The following SNX18 variants were observed in gnomAD, a reference collection of about 807,000 sequenced individuals.
SNX18 encodes the protein sorting nexin 18, also known as sorting nexin-18.
Under a neutral mutation model 48.7 loss-of-function variants are expected in SNX18, and 35 were observed. That is an observed-to-expected ratio of 0.72 (90% CI 0.55 to 0.95). SNX18 has a LOEUF of 0.95. SNX18 is among the 40% of genes least tolerant of loss of function. The probability of loss-of-function intolerance (pLI) is 0.00; values close to 1 mark genes in which losing one functional copy is unlikely to be tolerated. For missense variants in SNX18, 824 were observed against 871.0 expected (o/e 0.95, Z 0.68); for synonymous variants, 492 against 384.7 (o/e 1.28, Z -3.26).
At chr5:54,572,647 A>G in the SNX18 span, among the ~76,000 whole-genome samples, 1 of 150,894 alleles carries the variant, frequency 6.6e-6, no homozygotes, top group Non-Finnish European at 1.5e-5. Context: ...GTTCTATTTC[A>G]TAATATGTTG....
chr5:54,585,540 C>T, the SNX18 span, among the ~76,000 whole-genome samples: 254 of 152,196 alleles, frequency 1.7e-3, 1 homozygote, highest in Middle Eastern at 0.014. Flanking sequence ...GGACATGGGA[C>T]TTCCCCTGAG....
the SNX18 span, among the ~76,000 whole-genome samples, chr5:54,635,662 G>A: frequency 6.6e-6 from 1 of 152,122 alleles, no homozygotes; most frequent in Non-Finnish European, 1.5e-5. Context: ...TGGATGCTGT[G>A]GTCTCAGCAG....
the SNX18 span, among the ~76,000 whole-genome samples, chr5:54,587,985 C>T: frequency 6.6e-6 from 1 of 152,134 alleles, no homozygotes; most frequent in Non-Finnish European, 1.5e-5. Flanking sequence ...GGAAGGTGTA[C>T]ACCCCTTTTG....
chr5:54,530,846 G>A (rs185031412), intron 1 of SNX18, among the ~76,000 whole-genome samples: 4 of 140,982 alleles, frequency 2.8e-5, no homozygotes, highest in African/African-American at 1.1e-4. Context: ...CCACCTCCTG[G>A]GTTCAAGCGA....
chr5:54,629,104 A>G, the SNX18 span, among the ~76,000 whole-genome samples: 1 of 152,180 alleles, frequency 6.6e-6, no homozygotes, highest in Admixed American at 6.5e-5. Flanking sequence ...ATGCTGTTTC[A>G]TTCTTTATTG....
At chr5:54,519,928 CTGTT>C (rs1429557454) in intron 1 of SNX18, 4 of 1,071,534 alleles carry the variant, frequency 3.7e-6, no homozygotes, top group Non-Finnish European at 5.4e-6. Context: ...TGTTAGGTAT[CTGTT>C]TGAACACTGC....
At chr5:54,640,908 A>T in the SNX18 span, among the ~76,000 whole-genome samples, 1 of 152,154 alleles carries the variant, frequency 6.6e-6, no homozygotes, top group Non-Finnish European at 1.5e-5. Flanking sequence ...AAAAATACAA[A>T]AATTAGCTGA....
At chr5:54,526,226 G>T (rs968891524) in intron 1 of SNX18, among the ~76,000 whole-genome samples, 1 of 151,982 alleles carries the variant, frequency 6.6e-6, no homozygotes, top group Non-Finnish European at 1.5e-5. Context: ...TGCCTCAGCC[G>T]CCCGAGTAAC....
the SNX18 span, among the ~76,000 whole-genome samples, chr5:54,629,097 C>A: frequency 6.6e-6 from 1 of 152,228 alleles, no homozygotes; most frequent in Non-Finnish European, 1.5e-5. Context: ...TGCCAGAATG[C>A]TGTTTCATTC....
chr5:54,581,473 A>G, the SNX18 span, among the ~76,000 whole-genome samples: 1 of 151,990 alleles, frequency 6.6e-6, no homozygotes, highest in Non-Finnish European at 1.5e-5. Context: ...AAGGAAAATG[A>G]CCACATCTAG....
At position 54,519,096 on chromosome 5, in the gene SNX18, C is replaced by T. The variant is rs1041557054; in HGVS notation, c.1144C>T (p.Pro382Ser). 2.5e-6 allele frequency: 4 copies of T among 1,614,086 alleles called. No homozygotes were observed. The highest frequency in any genetic ancestry group is 2.2e-5 in the East Asian group (1 of 44,862). ...CDVFQHFLTC[P>S]SSTDEKAWKQ... is the part of the protein sequence containing the mutation. ...CGTCTTCCAGCACTTCCTGACGTGC[C>T]CCAGCAGCACCGACGAGAAAGCCTG... Residue 382 changes from proline to serine, a missense_variant, in exon 1 of 2, where the codon CCC (proline) becomes TCC (serine). By Grantham distance (74) the Pro-to-Ser change is moderately conservative. Coordinates refer to ENST00000381410, the MANE Select transcript of SNX18 (RefSeq NM_001102575.2).
chr5:54,632,550 C>T, the SNX18 span, among the ~76,000 whole-genome samples: 2 of 152,130 alleles, frequency 1.3e-5, no homozygotes, highest in Admixed American at 6.5e-5. Flanking sequence ...GGACATTGCA[C>T]GGCTCCTTTT....
chr5:54,596,090 C>T, the SNX18 span, among the ~76,000 whole-genome samples: 1 of 152,174 alleles, frequency 6.6e-6, no homozygotes, highest in African/African-American at 2.4e-5. Context: ...CTCTGATCTC[C>T]AGAGTCCCTT....
the SNX18 span, among the ~76,000 whole-genome samples, chr5:54,594,521 C>G: frequency 4.6e-5 from 7 of 152,104 alleles, no homozygotes; most frequent in African/African-American, 1.7e-4. Context: ...TTTGCTGTGT[C>G]TAGACTGTTT....
chr5:54,554,383 G>T, the SNX18 span, among the ~76,000 whole-genome samples: 2 of 152,168 alleles, frequency 1.3e-5, no homozygotes, highest in Non-Finnish European at 2.9e-5. Context: ...CTCCCCAGAT[G>T]ATTCTGATGT....
the SNX18 span, among the ~76,000 whole-genome samples, chr5:54,616,223 G>A: frequency 6.6e-6 from 1 of 152,272 alleles, no homozygotes; most frequent in Non-Finnish European, 1.5e-5. Context: ...AACATTTGTG[G>A]AGAAGAATAG....
At chr5:54,564,658 G>T in the SNX18 span, among the ~76,000 whole-genome samples, 2 of 152,026 alleles carry the variant, frequency 1.3e-5, no homozygotes, top group African/African-American at 4.8e-5. Context: ...GGAGTTCAAG[G>T]CCACCCTGGC....
the SNX18 span, among the ~76,000 whole-genome samples, chr5:54,581,575 G>T: frequency 6.6e-6 from 1 of 152,138 alleles, no homozygotes; most frequent in Non-Finnish European, 1.5e-5. Flanking sequence ...ACCCCTGCCT[G>T]CTCCCACGTT....
intron 1 of SNX18, among the ~76,000 whole-genome samples, chr5:54,537,603 G>A (rs951581843): frequency 6.6e-6 from 1 of 151,788 alleles, no homozygotes; most frequent in African/African-American, 2.4e-5. Context: ...TTATATAATT[G>A]CTCCCCCATT....
Sources: allele counts gnomAD v4.1 joint callset (sites outside exome capture counted in the v4.1 genomes callset), GRCh38; gene constraint gnomAD v4.1.1; transcripts MANE v1.5; gene names NCBI Gene and HGNC (gene_info 2026-07-23, HGNC 2026-07-21).